The following ATP6V1G1 variants were observed in gnomAD, a reference collection of about 807,000 sequenced individuals.
ATP6V1G1 encodes the protein V-type proton ATPase subunit G 1.
A neutral mutation model predicts 14.2 loss-of-function variants in ATP6V1G1; 14 were observed. The observed-to-expected ratio is 0.99, with a 90% CI of 0.65 to 1.55. ATP6V1G1 has a LOEUF of 1.55. ATP6V1G1 is among the 40% of genes most tolerant of loss of function. The probability of loss-of-function intolerance (pLI) is 0.00; values close to 1 mark genes in which losing one functional copy is unlikely to be tolerated. For missense variants in ATP6V1G1, 137 were observed against 146.4 expected, an observed-to-expected ratio of 0.94 and a Z score of 0.33; for synonymous variants, 65 against 53.3, an observed-to-expected ratio of 1.22 and a Z score of -0.96.
intron 1 of ATP6V1G1, among the ~76,000 whole-genome samples, chr9:114,592,011 C>A (rs1487534917): frequency 6.6e-6 from 1 of 152,196 alleles, no homozygotes; most frequent in Non-Finnish European, 1.5e-5. Flanking sequence ...ACTCCTCATT[C>A]AGCATTCCTT....
chr9:114,592,723 C>T (rs1845195444), intron 2 of ATP6V1G1, 71 bp downstream of exon 2: 1 of 1,467,376 alleles, frequency 6.8e-7, no homozygotes, highest in Admixed American at 2.1e-5. Flanking sequence ...TTCAGAATAT[C>T]CAGCATAGCT....
At chr9:114,597,496 A>T (rs951403704) in intron 2 of ATP6V1G1, 74 bp from the exon 3 acceptor site, 2 of 1,373,118 alleles carry the variant, frequency 1.5e-6, no homozygotes, top group Non-Finnish European at 1.9e-6. Context: ...GTCAACAAGT[A>T]GCTTACGAAA....
intron 2 of ATP6V1G1, among the ~76,000 whole-genome samples, chr9:114,593,889 A>C (rs1019285260): frequency 6.6e-6 from 1 of 152,136 alleles, no homozygotes; most frequent in African/African-American, 2.4e-5. Flanking sequence ...CCACAAGTTC[A>C]AAACCAGCCT....
intron 2 of ATP6V1G1, among the ~76,000 whole-genome samples, chr9:114,595,637 G>C (rs1845230330): frequency 6.6e-6 from 1 of 152,144 alleles, no homozygotes; most frequent in African/African-American, 2.4e-5. Flanking sequence ...CTAGGCAACA[G>C]AGTGAGACTC....
Position 114,597,729 on chromosome 9 carries a change from C to G in ATP6V1G1, c.343C>G (p.Arg115Gly). 1 of 1,584,492 alleles carries G rather than the reference C, an allele frequency of 6.3e-7. No individual in the cohort carries two copies. The highest frequency in any genetic ancestry group is 8.6e-7 in the Non-Finnish European group (1 of 1,169,582). ...DIRPEIHENYRING is the reference protein window; with the variant it reads ...DIRPEIHENYGING ...TCGGCCAGAAATCCATGAAAACTAC[C>G]GCATAAATGGATAGAAGAGAGAAGC... Residue 115 changes from arginine (R) to glycine (G), a missense_variant, in exon 3 of 3, where the codon CGC (arginine) becomes GGC (glycine). Transcript: ENST00000374050.
At chr9:114,592,838 T>C (rs1425086666) in intron 2 of ATP6V1G1, among the ~76,000 whole-genome samples, 186 bp downstream of exon 2, 1 of 152,248 alleles carries the variant, frequency 6.6e-6, no homozygotes, top group African/African-American at 2.4e-5. Context: ...TATTGATTTC[T>C]AATTTTCATT....
chr9:114,595,555 C>G (rs1845229498), intron 2 of ATP6V1G1, among the ~76,000 whole-genome samples: 1 of 152,046 alleles, frequency 6.6e-6, no homozygotes, highest in South Asian at 2.1e-4. Context: ...TTGGGAGGCT[C>G]AGGTTGGAGG....
Position 114,587,791 on chromosome 9 carries a change from T to G in ATP6V1G1, c.-48T>G. The G allele has an allele frequency of 6.5e-7, 1 of 1,548,646 alleles. No individual in the cohort carries two copies. The highest frequency in any genetic ancestry group is 8.7e-7 in the Non-Finnish European group (1 of 1,143,932). ...GCTGTGTCAGCTGACCCAAGGGGCCTTCGAGGTGCCTTAGGCCGCTTGCCT... is the reference window on the plus strand; with the variant it reads ...GCTGTGTCAGCTGACCCAAGGGGCCGTCGAGGTGCCTTAGGCCGCTTGCCT... On this transcript the variant is annotated 5_prime_UTR_variant, in exon 1 of 3. Coordinates refer to ENST00000374050, the MANE Select transcript of ATP6V1G1 (RefSeq NM_004888.4).
chr9:114,588,541 T>TGTGTGTGTGTG (rs1589311860), intron 1 of ATP6V1G1, among the ~76,000 whole-genome samples: 2 of 128,596 alleles, frequency 1.6e-5, no homozygotes, highest in East Asian at 5.2e-4. Context: ...GTGTGTGTGT[T>TGTGTGTGTGTG]TCTGTCTAAT....
intron 1 of ATP6V1G1, chr9:114,588,152 G>A: frequency 1.7e-6 from 1 of 574,126 alleles, no homozygotes; most frequent in East Asian, 2.9e-5. Flanking sequence ...ATGGGTTACC[G>A]TCCTTGGGGC....
At chr9:114,591,412 A>G (rs1337768588) in intron 1 of ATP6V1G1, among the ~76,000 whole-genome samples, 1 of 152,218 alleles carries the variant, frequency 6.6e-6, no homozygotes, top group Non-Finnish European at 1.5e-5. Flanking sequence ...TGGTTTCGAA[A>G]GTATCTTTAG....
At chr9:114,594,405 A>G (rs1589313571) in intron 2 of ATP6V1G1, among the ~76,000 whole-genome samples, 1 of 126,132 alleles carries the variant, frequency 7.9e-6, no homozygotes, top group Non-Finnish European at 1.6e-5. Flanking sequence ...CCTGTCCGAG[A>G]TGTAGTCTTG....
chr9:114,594,342 G>A (rs1299289949), intron 2 of ATP6V1G1, among the ~76,000 whole-genome samples: 1 of 151,218 alleles, frequency 6.6e-6, no homozygotes, highest in Admixed American at 6.6e-5. Context: ...GTGCTAGGAT[G>A]ACAGGTGTGA....
chr9:114,592,287 C>T (rs2133558249), intron 1 of ATP6V1G1, among the ~76,000 whole-genome samples: 1 of 152,236 alleles, frequency 6.6e-6, no homozygotes, highest in Non-Finnish European at 1.5e-5. Context: ...TATTCTGACA[C>T]ATTCTACAAT....
chr9:114,592,495 C>T (rs1446872519), intron 1 of ATP6V1G1, 57 bp from the exon 2 acceptor site: 1 of 1,475,712 alleles, frequency 6.8e-7, no homozygotes, highest in African/African-American at 1.4e-5. Context: ...CATCTTGTCT[C>T]TGCTTGCTTT....
intron 2 of ATP6V1G1, among the ~76,000 whole-genome samples, chr9:114,595,017 G>C (rs1417931173): frequency 1.3e-5 from 2 of 150,162 alleles, no homozygotes; most frequent in African/African-American, 4.9e-5. Context: ...CCACCACCAC[G>C]CCTGGCAGTT....
In ATP6V1G1 at chr9:114,598,497, A is replaced by G. The variant is rs1845266494; in HGVS notation, c.*754A>G. 1 of 152,486 alleles carries G rather than the reference A, an allele frequency of 6.6e-6. No individual in the cohort carries two copies. 9.4% of individuals were successfully genotyped at this position (152,486 alleles called of 1,614,324 possible). A position where few individuals can be genotyped will look rare whatever the true frequency, so the allele number is the denominator to read the frequency against. ...ACTTCACTTAGGACATTAGCACACA[A>G]ATAGCACACATATCACATACCCATT... On this transcript the variant is annotated 3_prime_UTR_variant, in exon 3 of 3. Transcript: ENST00000374050.
chr9:114,596,983 ATTC>A (rs1845244644), intron 2 of ATP6V1G1, among the ~76,000 whole-genome samples: 1 of 128,624 alleles, frequency 7.8e-6, no homozygotes, highest in African/African-American at 2.9e-5. Flanking sequence ...TATATAGCAG[ATTC>A]TTTTTTTTTT....
intron 2 of ATP6V1G1, among the ~76,000 whole-genome samples, chr9:114,593,567 C>T (rs1015127485): frequency 2.2e-4 from 33 of 152,302 alleles, no homozygotes; most frequent in African/African-American, 6.7e-4. Context: ...GTGATCATAG[C>T]TCACGGTGAC....
Sources: gnomAD v4.1 joint callset for allele counts (sites outside exome capture counted in the v4.1 genomes callset) on GRCh38, gnomAD v4.1.1 for gene constraint, MANE v1.5 for transcripts, NCBI Gene and HGNC (gene_info 2026-07-23, HGNC 2026-07-21) for gene names.